The following SPARCL1 variants were observed in gnomAD, a reference collection of about 807,000 sequenced individuals.
SPARCL1 encodes the protein SPARC like 1.
SPARCL1 carries 52 observed loss-of-function variants against 67.1 expected under a neutral mutation model. The observed-to-expected ratio is 0.78, with a 90% CI of 0.62 to 0.98. The LOEUF is 0.98. SPARCL1 is among the 50% of genes least tolerant of loss of function. SPARCL1 has a pLI of 0.00. For synonymous variants in SPARCL1, 226 were observed against 267.8 expected (o/e 0.84, Z 1.52); for missense variants, 717 against 782.4 (o/e 0.92, Z 1.00).
At chr4:87,491,054 G>A (rs1724306340) in intron 5 of SPARCL1, among the ~76,000 whole-genome samples, 176 bp from the exon 6 acceptor site, 3 of 152,266 alleles carry the variant, frequency 2.0e-5, no homozygotes, top group Non-Finnish European at 4.4e-5. Context: ...GTTAATGTCA[G>A]ATGGAACCTT....
intron 1 of SPARCL1, among the ~76,000 whole-genome samples, chr4:87,516,179 G>T (rs1456774208): frequency 6.6e-6 from 1 of 152,158 alleles, no homozygotes; most frequent in Non-Finnish European, 1.5e-5. Flanking sequence ...CTTTGCATCT[G>T]TCCTTGCAAA....
chr4:87,489,547 C>A (rs1352291601), intron 7 of SPARCL1, among the ~76,000 whole-genome samples: 1 of 152,228 alleles, frequency 6.6e-6, no homozygotes. Flanking sequence ...TTGCCAGCCA[C>A]CAATGACGTT....
intron 1 of SPARCL1, among the ~76,000 whole-genome samples, chr4:87,505,695 T>C (rs1041759379): frequency 6.6e-6 from 1 of 151,080 alleles, no homozygotes; most frequent in Admixed American, 6.6e-5. Context: ...GCTGGGGATA[T>C]AGGTGCAAAC....
At chr4:87,484,579 T>C (rs1411323802) in intron 7 of SPARCL1, among the ~76,000 whole-genome samples, 2 of 152,156 alleles carry the variant, frequency 1.3e-5, no homozygotes, top group East Asian at 3.8e-4. Context: ...CTTTTTTGGT[T>C]CCCAACTTTA....
chr4:87,490,777 T>C lies in SPARCL1; in HGVS notation c.1393A>G (p.Thr465Ala), dbSNP rs748438717. The part of the protein sequence containing the change: ...VCQDPVTCPP[T>A]KPLDQVCGTD... Reference sequence around the variant, plus strand: ...ATACTTACTTGATCAAGGGGTTTTGTTGGAGGACAAGTCACTGGATCCTGG... The same window carrying C: ...ATACTTACTTGATCAAGGGGTTTTGCTGGAGGACAAGTCACTGGATCCTGG... The change falls in exon 6 of 11, where the codon ACA becomes GCA. Residue 465 changes from threonine to alanine, a missense_variant. Thr to Ala is a moderately conservative substitution (Grantham distance 58). Transcript: ENST00000282470. The C allele has an allele frequency of 3.7e-6, 6 of 1,609,208 alleles. No homozygotes were observed. In the East Asian group the frequency reaches 6.7e-5, roughly 18 times the overall value.
intron 7 of SPARCL1, among the ~76,000 whole-genome samples, chr4:87,489,884 A>C (rs1724241523): frequency 6.6e-6 from 1 of 152,164 alleles, no homozygotes; most frequent in Non-Finnish European, 1.5e-5. Context: ...CTTCTGGAAA[A>C]ATGTGTTGTC....
At chr4:87,506,685 T>G (rs1725087181) in intron 1 of SPARCL1, among the ~76,000 whole-genome samples, 1 of 152,180 alleles carries the variant, frequency 6.6e-6, no homozygotes, top group Non-Finnish European at 1.5e-5. Context: ...ACTATACAAT[T>G]GGCTCTCTTG....
At chr4:87,486,611 A>G (rs1047146055) in intron 7 of SPARCL1, among the ~76,000 whole-genome samples, 6 of 152,104 alleles carry the variant, frequency 3.9e-5, no homozygotes, top group African/African-American at 1.4e-4. Flanking sequence ...AGTCCTGAAT[A>G]TACTTGTTAA....
intron 7 of SPARCL1, 110 bp from the exon 8 acceptor site, chr4:87,482,670 GT>G: frequency 8.1e-7 from 1 of 1,231,150 alleles, no homozygotes; most frequent in Non-Finnish European, 1.2e-6. Flanking sequence ...GCTTTCTCAG[GT>G]CCCCATTATT....
At chr4:87,492,907 C>G (rs1170538596) in intron 4 of SPARCL1, among the ~76,000 whole-genome samples, 1 of 152,200 alleles carries the variant, frequency 6.6e-6, no homozygotes, top group African/African-American at 2.4e-5. Flanking sequence ...AAAGTAGGAC[C>G]TTAATCTTTA....
chr4:87,519,987 C>A (rs890495416), intron 1 of SPARCL1, among the ~76,000 whole-genome samples: 1 of 152,092 alleles, frequency 6.6e-6, no homozygotes, highest in African/African-American at 2.4e-5. Context: ...CACCTGTAAT[C>A]CCAGCACTTT....
intron 8 of SPARCL1, among the ~76,000 whole-genome samples, chr4:87,481,803 C>T (rs1226602073): frequency 6.6e-6 from 1 of 152,132 alleles, no homozygotes; most frequent in Non-Finnish European, 1.5e-5. Flanking sequence ...TATGCATATA[C>T]AAACATTACA....
At position 87,494,981 on chromosome 4, in the gene SPARCL1, C is replaced by T. The variant is rs1357217422; in HGVS notation, c.201G>A (p.Lys67=). The T allele has an allele frequency of 1.9e-6, 3 of 1,597,962 alleles. No homozygotes were observed. Among genetic ancestry groups the T allele is most frequent in the Non-Finnish European group, 2.6e-6 (3 of 1,175,766 alleles). Residue 67 remains lysine (K), a splice_region_variant and synonymous_variant, in exon 3 of 11, where the codon AAG becomes AAA. Transcript: ENST00000282470. ...TTAATATAAATGATGTTACTTTTAC[C>T]TTATGGTGGGAATCGTCTTCTGTGG... ...AVSTEDDSHH[K]AEKSSVLKSK...
intron 1 of SPARCL1, among the ~76,000 whole-genome samples, chr4:87,511,400 AGTT>A (rs1165817343): frequency 1.3e-5 from 2 of 152,176 alleles, no homozygotes; most frequent in Non-Finnish European, 2.9e-5. Context: ...ACGGTGGATT[AGTT>A]TTGGGCTTGT....
rs1723864569 is a variant in SPARCL1, at chr4:87,482,481, C to A, written c.1611G>T (p.Gln537His). The stretch of plus-strand genomic sequence containing the variant: ...CGTGTTCAGAGTTGGCTTCATAAAG[C>A]TGCATGAGGATATTCTTGAGCCAGT... ...MRDWLKNILMQLYEANSEHAG... is the reference protein window; with the variant it reads ...MRDWLKNILMHLYEANSEHAG... Residue 537 changes from glutamine (Q) to histidine (H), a missense_variant, in exon 8 of 11, where the codon CAG becomes CAT. Coordinates refer to ENST00000282470, the MANE Select transcript of SPARCL1 (RefSeq NM_004684.6). The A allele has an allele frequency of 6.2e-7, 1 of 1,613,908 alleles. No individual in the cohort carries two copies. The highest frequency in any genetic ancestry group is 1.1e-5 in the South Asian group (1 of 91,082).
intron 1 of SPARCL1, among the ~76,000 whole-genome samples, chr4:87,516,167 AG>A (rs1253649741): frequency 6.6e-6 from 1 of 152,202 alleles, no homozygotes; most frequent in Non-Finnish European, 1.5e-5. Flanking sequence ...TACCAATCCC[AG>A]CTTTGCATCT....
chr4:87,497,087 G>A, intron 2 of SPARCL1: 1 of 243,196 alleles, frequency 4.1e-6, no homozygotes, highest in Non-Finnish European at 6.6e-6. Context: ...TCACCATGTT[G>A]GCCAGGCTGG....
intron 8 of SPARCL1, among the ~76,000 whole-genome samples, chr4:87,481,456 A>G (rs1054250475): frequency 1.3e-5 from 2 of 152,120 alleles, no homozygotes; most frequent in Non-Finnish European, 2.9e-5. Context: ...AGGATTGTCT[A>G]TACTTGCTGC....
chr4:87,518,462 TA>T (rs1358029601), intron 1 of SPARCL1, among the ~76,000 whole-genome samples: 3 of 152,208 alleles, frequency 2.0e-5, no homozygotes, highest in Non-Finnish European at 4.4e-5. Flanking sequence ...CAAAGTATAA[TA>T]AAACATTTGC....
Sources: gnomAD v4.1 joint callset for allele counts (sites outside exome capture counted in the v4.1 genomes callset) on GRCh38, gnomAD v4.1.1 for gene constraint, MANE v1.5 for transcripts, NCBI Gene and HGNC (gene_info 2026-07-23, HGNC 2026-07-21) for gene names.